Variants in MCM6 observed in about 807,000 individuals in gnomAD.
MCM6 encodes the protein DNA replication licensing factor MCM6.
In MCM6, 46 loss-of-function variants were observed where a neutral mutation model predicts 94.3. The observed-to-expected ratio is 0.49, with a 90% CI of 0.39 to 0.62. The LOEUF is 0.62. Among genes scored for constraint, MCM6 ranks in the 20% least tolerant of loss-of-function variants. MCM6 has a pLI of 0.00. For synonymous variants in MCM6, 335 were observed against 351.9 expected (o/e 0.95, Z 0.54); for missense variants, 865 against 1,017.9 (o/e 0.85, Z 2.04).
intron 1 of MCM6, among the ~76,000 whole-genome samples, chr2:135,874,965 G>A (rs1466633045): frequency 6.6e-6 from 1 of 152,220 alleles, no homozygotes; most frequent in African/African-American, 2.4e-5. Flanking sequence ...GGTACCTAGA[G>A]TGGTCAAACT....
At position 135,857,908 on chromosome 2, in the gene MCM6, C is replaced by T; in HGVS notation, c.1459G>A (p.Ala487Thr). 1 of 1,613,744 alleles carries T rather than the reference C, an allele frequency of 6.2e-7. No homozygotes were observed. The highest frequency in any genetic ancestry group is 2.2e-5 in the East Asian group (1 of 44,886). ...TAGATAACACATACCTTCACTCCTG[C>T]TTTAGTGATGGATATGGTCTGCTGT... is the stretch of plus-strand genomic sequence containing the variant. The part of the protein sequence containing the change: ...MEQQTISITK[A>T]GVKATLNART... Residue 487 changes from alanine (A) to threonine (T), a missense_variant, in exon 10 of 17, where the codon GCA (alanine) becomes ACA (threonine). By Grantham distance (58) the Ala-to-Thr change is moderately conservative. Transcript: ENST00000264156.
At chr2:135,841,296 G>GT (rs1239805405) in intron 16 of MCM6, among the ~76,000 whole-genome samples, 1 of 150,312 alleles carries the variant, frequency 6.7e-6, no homozygotes, top group Non-Finnish European at 1.5e-5. Flanking sequence ...TTAATTGGAA[G>GT]TCTGTTTCAT....
In MCM6 at chr2:135,840,689, C is replaced by G. The variant is rs1679551893; in HGVS notation, c.*146G>C. 2 of 608,294 alleles carry G rather than the reference C, an allele frequency of 3.3e-6. No homozygotes were observed. Among genetic ancestry groups the G allele is most frequent in the Admixed American group, 5.6e-5 (2 of 35,784 alleles). The allele number at this position is 608,294 out of a possible 1,614,324, so 37.7% of individuals were successfully genotyped here. A position where few individuals can be genotyped will look rare whatever the true frequency, so the allele number is the denominator to read the frequency against. On this transcript the variant is annotated 3_prime_UTR_variant, in exon 17 of 17. Transcript: ENST00000264156. ...CTGTGATGAATGTGACACATAGGAC[C>G]ATCAACTCAATTCTTGTTTCTGAAA...
In MCM6 at chr2:135,840,581, G is replaced by C. The variant is rs1278742510; in HGVS notation, c.*254C>G. 1.4e-5 allele frequency: 6 copies of C among 421,776 alleles called. No homozygotes were observed. Among genetic ancestry groups the C allele is most frequent in the Non-Finnish European group, 1.7e-5 (4 of 231,708 alleles). 26.1% of individuals were successfully genotyped at this position (421,776 alleles called of 1,614,324 possible). On this transcript the variant is annotated 3_prime_UTR_variant, in exon 17 of 17. Coordinates refer to ENST00000264156, the MANE Select transcript of MCM6 (RefSeq NM_005915.6). ...CATGAAAACAAAGGTATTGGTTATA[G>C]AGACTACACATTATTTGGTTCCAAC...
At chr2:135,874,595 C>G (rs574413617) in intron 1 of MCM6, among the ~76,000 whole-genome samples, 4 of 152,204 alleles carry the variant, frequency 2.6e-5, no homozygotes, top group Admixed American at 2.6e-4. Context: ...AATGGATAAG[C>G]AAAATGCAGT....
chr2:135,844,617 C>T lies in MCM6; in HGVS notation c.2277G>A (p.Glu759=). The change falls in exon 16 of 17, where the codon GAG becomes GAA. Residue 759 remains glutamate (E), a synonymous_variant. Transcript: ENST00000264156. ...VNWYLKEIES[E]IDSEEELINK... ...TTATAAGTTCTTCTTCAGAGTCTATCTCTGATTCGATTTCCTTCAAGTACC... is the reference window on the plus strand; with the variant it reads ...TTATAAGTTCTTCTTCAGAGTCTATTTCTGATTCGATTTCCTTCAAGTACC... 6.3e-7 allele frequency: 1 copy of T among 1,588,376 alleles called. No homozygotes were observed. The highest frequency in any genetic ancestry group is 1.7e-4 in the Middle Eastern group (1 of 6,030).
chr2:135,865,135 T>C lies in MCM6; in HGVS notation c.956A>G (p.Glu319Gly). The change falls in exon 7 of 17, where the codon GAA becomes GGA. Residue 319 changes from glutamate to glycine, a missense_variant. Physicochemically the swap from Glu to Gly is moderately conservative, Grantham distance 98. Coordinates refer to ENST00000264156, the MANE Select transcript of MCM6 (RefSeq NM_005915.6). ...GTTCTTAATGCTCTCAGCTGTCTGT[T>C]CCTCATCTCTGAGCTCTTTCCCCCC... The part of the protein sequence containing the change: ...RFGGKELRDE[E>G]QTAESIKNQM... 6.4e-7 allele frequency: 1 copy of C among 1,560,728 alleles called. No homozygotes were observed.
chr2:135,856,432 G>A (rs896373891), intron 11 of MCM6, among the ~76,000 whole-genome samples: 1 of 152,134 alleles, frequency 6.6e-6, no homozygotes, highest in Non-Finnish European at 1.5e-5. Context: ...TCCAGTGAGA[G>A]GCTGTTTAAA....
chr2:135,868,917 C>A, intron 3 of MCM6, 57 bp from the exon 4 acceptor site: 1 of 1,524,912 alleles, frequency 6.6e-7, no homozygotes. Context: ...AAGAATCTTT[C>A]CATTTTAGTG....
At position 135,876,437 on chromosome 2, in the gene MCM6, G is replaced by T; in HGVS notation, c.-72C>A. 7.7e-7 allele frequency: 1 copy of T among 1,304,756 alleles called. No homozygotes were observed. The highest frequency in any genetic ancestry group is 1.0e-6 in the Non-Finnish European group (1 of 969,846). The allele number at this position is 1,304,756 out of a possible 1,614,324, so 80.8% of individuals were successfully genotyped here. A position where few individuals can be genotyped will look rare whatever the true frequency, so the allele number is the denominator to read the frequency against. The stretch of plus-strand genomic sequence containing the variant: ...AAGTCGCTTTTTTCCAGACGCTGCA[G>T]CTTTGCGCGCGCCGCCGCCGCTTCC... On this transcript the variant is annotated 5_prime_UTR_variant, in exon 1 of 17. The change creates a new upstream start codon in the 5' untranslated region. Transcript: ENST00000264156.
Position 135,868,740 on chromosome 2 carries a change from C to CT in MCM6, c.485dup (p.Thr163AspfsTer35). 1 of 1,614,198 alleles carries CT rather than the reference C, an allele frequency of 6.2e-7. No individual in the cohort carries two copies. The highest frequency in any genetic ancestry group is 8.5e-7 in the Non-Finnish European group (1 of 1,180,044). On this transcript the variant is annotated frameshift_variant, in exon 4 of 17. Coordinates refer to ENST00000264156, the MANE Select transcript of MCM6 (RefSeq NM_005915.6). LOFTEE classifies it high-confidence loss of function. ...GCTGTTCTACATCCCTGATCACTGTCTGACAGTCCAAGCACAGAAAAGTTC... is the reference window on the plus strand; with the variant it reads ...GCTGTTCTACATCCCTGATCACTGTCTTGACAGTCCAAGCACAGAAAAGTTC...
rs1680301122 is a variant in MCM6, at chr2:135,876,442, G to T, written c.-77C>A. The T allele has an allele frequency of 3.2e-6, 4 of 1,236,982 alleles. No homozygotes were observed. In the Admixed American group the frequency reaches 1.1e-4, roughly 34 times the overall value. The allele number at this position is 1,236,982 out of a possible 1,614,324, so 76.6% of individuals were successfully genotyped here. On this transcript the variant is annotated 5_prime_UTR_variant, in exon 1 of 17. Transcript: ENST00000264156. ...GCTTTTTTCCAGACGCTGCAGCTTT[G>T]CGCGCGCCGCCGCCGCTTCCGCCCC...
intron 9 of MCM6, among the ~76,000 whole-genome samples, chr2:135,858,761 T>G (rs1575363267): frequency 6.6e-6 from 1 of 152,210 alleles, no homozygotes; most frequent in East Asian, 1.9e-4. Flanking sequence ...TACCTATAAC[T>G]TATATACACA....
chr2:135,851,373 C>T, intron 13 of MCM6, 29 bp downstream of exon 13: 1 of 1,584,368 alleles, frequency 6.3e-7, no homozygotes, highest in Non-Finnish European at 8.6e-7. Flanking sequence ...TTTATCTCTG[C>T]TCTCATCATA....
At chr2:135,841,509 A>C (rs1295674888) in intron 16 of MCM6, among the ~76,000 whole-genome samples, 3 of 152,218 alleles carry the variant, frequency 2.0e-5, no homozygotes, top group African/African-American at 4.8e-5. Flanking sequence ...CAGGTTAGTC[A>C]AAACTGTCCA....
At chr2:135,853,006 C>T in intron 11 of MCM6, 91 bp from the exon 12 acceptor site, 1 of 1,209,352 alleles carries the variant, frequency 8.3e-7, no homozygotes, top group Non-Finnish European at 1.1e-6. Context: ...TCGCCAAAAA[C>T]AAGCTCTAAT....
Position 135,876,306 on chromosome 2 carries a change from G to T in MCM6, c.60C>A (p.Asp20Glu). Residue 20 changes from aspartate (D) to glutamate (E), a missense_variant, in exon 1 of 17, where the codon GAC becomes GAA. By Grantham distance (45) the Asp-to-Glu change is conservative. This residue lies in a region of MCM6 where 404 missense variants were observed against 451.9 expected (regional missense o/e 0.89). Transcript: ENST00000264156. ...GAGSQHLEVR[D>E]EVAEKCQKLF... The stretch of plus-strand genomic sequence containing the variant: ...GTTTCTGGCACTTCTCGGCCACCTC[G>T]TCGCGGACCTCCAGGTGCTGGCTGC... The T allele has an allele frequency of 6.2e-7, 1 of 1,611,372 alleles. No homozygotes were observed.
In MCM6 at chr2:135,846,224, A is replaced by G; in HGVS notation, c.2209+13T>C. 1 of 1,613,450 alleles carries G rather than the reference A, an allele frequency of 6.2e-7. No homozygotes were observed. The highest frequency in any genetic ancestry group is 8.5e-7 in the Non-Finnish European group (1 of 1,179,716). On this transcript the variant is annotated intron_variant, in intron 15 of 16. Transcript: ENST00000264156. ...AGTGACCGAGCATGTAAGCAGTACC[A>G]GGTAAGCCTCACCTTCTTCCACCTT...
chr2:135,872,456 C>T (rs1255844727), intron 2 of MCM6, among the ~76,000 whole-genome samples: 1 of 148,630 alleles, frequency 6.7e-6, no homozygotes, highest in Non-Finnish European at 1.5e-5. Flanking sequence ...TCTCAAAAAA[C>T]AAACAAACAA....
Sources: gnomAD v4.1 joint callset for allele counts (sites outside exome capture counted in the v4.1 genomes callset) on GRCh38, gnomAD v4.1.1 for gene constraint, gnomAD v4.1.1 regional missense constraint, MANE v1.5 for transcripts, NCBI Gene and HGNC (gene_info 2026-07-23, HGNC 2026-07-21) for gene names.